Variants in ARHGAP6 observed in about 807,000 individuals in gnomAD.
ARHGAP6 encodes rho GTPase-activating protein 6.
Under a neutral mutation model 55.7 loss-of-function variants are expected in ARHGAP6, and 16 were observed. That is an observed-to-expected ratio of 0.29 (90% CI 0.19 to 0.44). The LOEUF is 0.44. Ranked by LOEUF, ARHGAP6 falls within the 20% of genes least tolerant of loss-of-function variation. The pLI, the probability that ARHGAP6 is intolerant of heterozygous loss-of-function variation, is 1.00. For missense variants in ARHGAP6, 698 were observed against 808.9 expected (o/e 0.86, Z 1.66); for synonymous variants, 382 against 360.9 (o/e 1.06, Z -0.66).
At position 11,271,488 on chromosome X, in the gene ARHGAP6, G is replaced by T. The variant is rs191269345; in HGVS notation, c.589-16781C>A. ...ACTTTGCAAAAGTCTCTTCTCAGTGGGGTTCTTCTCTAATGAGAAAGGAAA... is the reference window on the plus strand; with the variant it reads ...ACTTTGCAAAAGTCTCTTCTCAGTGTGGTTCTTCTCTAATGAGAAAGGAAA... On this transcript the variant is annotated intron_variant, in intron 1 of 12. Coordinates refer to ENST00000337414, the MANE Select transcript of ARHGAP6 (RefSeq NM_013427.3). 2.8e-5 allele frequency among the ~76,000 whole-genome samples: 3 copies of T among 108,561 alleles called. No homozygotes were observed. The East Asian group carries it at 8.5e-4, about 31-fold the overall frequency. The allele number at this position is 108,561 out of a possible 115,157, so 94.3% of individuals were successfully genotyped here.
chrX:11,398,262 TA>T (rs60548732), intron 1 of ARHGAP6, among the ~76,000 whole-genome samples: 6,273 of 58,768 alleles, frequency 0.11, 556 homozygotes, highest in African/African-American at 0.3. Flanking sequence ...GTAAGTGCTA[TA>T]AAAAAAAAAA....
intron 1 of ARHGAP6, among the ~76,000 whole-genome samples, chrX:11,609,085 C>T (rs1052003836): frequency 9.0e-6 from 1 of 111,677 alleles, no homozygotes; most frequent in African/African-American, 3.3e-5. Context: ...GGTTGCAAAC[C>T]TGGCTCCATT....
chrX:11,503,556 A>G (rs934772998), intron 1 of ARHGAP6, among the ~76,000 whole-genome samples: 1 of 111,788 alleles, frequency 8.9e-6, no homozygotes, highest in Non-Finnish European at 1.9e-5. Context: ...ACTTTGGATG[A>G]TCACTGGAAA....
intron 1 of ARHGAP6, among the ~76,000 whole-genome samples, chrX:11,264,744 C>T (rs186961392): frequency 8.9e-6 from 1 of 111,946 alleles, no homozygotes; most frequent in Admixed American, 9.5e-5. Context: ...GAAATTAGAA[C>T]GACCTCCGGA....
intron 1 of ARHGAP6, among the ~76,000 whole-genome samples, chrX:11,403,310 C>T (rs2049572568): frequency 9.0e-6 from 1 of 111,381 alleles, no homozygotes; most frequent in Non-Finnish European, 1.9e-5. Flanking sequence ...GTTGCTCATT[C>T]AGTTCTCTAA....
intron 1 of ARHGAP6, among the ~76,000 whole-genome samples, chrX:11,559,743 CG>C (rs1435046337): frequency 4.4e-4 from 48 of 109,289 alleles, no homozygotes; most frequent in African/African-American, 1.6e-3. Flanking sequence ...CCGGCTAACA[CG>C]GTGAAACCCC....
rs2045568291 is a variant in ARHGAP6, at chrX:11,137,873, C to T, written c.*990G>A. 1 of 111,917 alleles carries T rather than the reference C, an allele frequency of 8.9e-6. No individual in the cohort carries two copies. Among genetic ancestry groups the T allele is most frequent in the Non-Finnish European group, 1.9e-5 (1 of 53,109 alleles). The allele number at this position is 111,917 out of a possible 1,213,427, so 9.2% of individuals were successfully genotyped here. On this transcript the variant is annotated 3_prime_UTR_variant, in exon 13 of 13. Transcript: ENST00000337414. Reference sequence around the variant, plus strand: ...AAGTACAAAGCTGTAGGCCTTTTACCAAATGTGATTTAGTTTTTAAGGAAT... The same window carrying T: ...AAGTACAAAGCTGTAGGCCTTTTACTAAATGTGATTTAGTTTTTAAGGAAT...
chrX:11,300,042 T>G (rs2048150019), intron 1 of ARHGAP6, among the ~76,000 whole-genome samples: 1 of 112,067 alleles, frequency 8.9e-6, no homozygotes, highest in African/African-American at 3.2e-5. Context: ...GGGGCAGAAT[T>G]TTTTGAAAAT....
intron 1 of ARHGAP6, among the ~76,000 whole-genome samples, chrX:11,344,148 A>G (rs1460976035): frequency 3.6e-5 from 4 of 111,913 alleles, no homozygotes; most frequent in Non-Finnish European, 7.5e-5. Context: ...CAATATAAGC[A>G]TTATTGACCT....
intron 1 of ARHGAP6, among the ~76,000 whole-genome samples, chrX:11,550,205 T>C (rs1218281091): frequency 8.9e-6 from 1 of 111,891 alleles, no homozygotes; most frequent in East Asian, 2.8e-4. Flanking sequence ...GCTTCTACAC[T>C]ATACTTTAGA....
At chrX:11,169,834 A>C in intron 8 of ARHGAP6, 150 bp from the exon 9 acceptor site, 1 of 406,611 alleles carries the variant, frequency 2.5e-6, no homozygotes, top group Non-Finnish European at 4.0e-6. Flanking sequence ...GGAGGGCATC[A>C]TTATTTTCCT....
At chrX:11,409,537 G>T (rs1490968424) in intron 1 of ARHGAP6, among the ~76,000 whole-genome samples, 4 of 112,261 alleles carry the variant, frequency 3.6e-5, no homozygotes, top group African/African-American at 1.3e-4. Flanking sequence ...ATACTCAGGG[G>T]ACACAGATTC....
intron 1 of ARHGAP6, among the ~76,000 whole-genome samples, chrX:11,492,839 G>T (rs1367831739): frequency 8.9e-6 from 1 of 111,826 alleles, no homozygotes; most frequent in Non-Finnish European, 1.9e-5. Context: ...TTCAATTCTC[G>T]GCCCCATTAA....
chrX:11,610,580 CAT>C (rs1366958976), intron 1 of ARHGAP6, among the ~76,000 whole-genome samples: 2 of 112,097 alleles, frequency 1.8e-5, no homozygotes, highest in Non-Finnish European at 3.8e-5. Context: ...ACATCATAAA[CAT>C]ATGTAAATAT....
At chrX:11,234,166 G>T (rs2047169017) in intron 2 of ARHGAP6, among the ~76,000 whole-genome samples, 1 of 112,514 alleles carries the variant, frequency 8.9e-6, no homozygotes, top group Admixed American at 9.4e-5. Flanking sequence ...GGAAGAGCTT[G>T]TAGTTCTGAG....
chrX:11,232,053 T>G (rs2047137648), intron 2 of ARHGAP6, among the ~76,000 whole-genome samples: 1 of 112,278 alleles, frequency 8.9e-6, no homozygotes, highest in Non-Finnish European at 1.9e-5. Context: ...ATCAGAGTAG[T>G]TGGGATATTC....
intron 2 of ARHGAP6, among the ~76,000 whole-genome samples, chrX:11,231,696 A>G (rs2047132551): frequency 8.9e-6 from 1 of 112,357 alleles, no homozygotes; most frequent in Admixed American, 9.4e-5. Context: ...CTGTGCATAC[A>G]CCTGATTTAT....
At chrX:11,156,896 C>T (rs959430608) in intron 9 of ARHGAP6, among the ~76,000 whole-genome samples, 1 of 112,459 alleles carries the variant, frequency 8.9e-6, no homozygotes, top group Non-Finnish European at 1.9e-5. Context: ...GCCTTTATTG[C>T]TCAGGTTAGA....
chrX:11,187,936 G>A (rs1254589541), intron 4 of ARHGAP6, among the ~76,000 whole-genome samples: 4 of 111,958 alleles, frequency 3.6e-5, no homozygotes, highest in Non-Finnish European at 5.6e-5. Flanking sequence ...GGAGGTTGAG[G>A]CAGGAGGATC....
Sources: allele counts gnomAD v4.1 joint callset (sites outside exome capture counted in the v4.1 genomes callset), GRCh38; gene constraint gnomAD v4.1.1; transcripts MANE v1.5; gene names NCBI Gene and HGNC (gene_info 2026-07-23, HGNC 2026-07-21).